ACCSL: variants seen among roughly 807,000 people sequenced by gnomAD.
ACCSL encodes the protein probable inactive 1-aminocyclopropane-1-carboxylate synthase-like protein 2.
ACCSL carries 55 observed loss-of-function variants against 61.7 expected under a neutral mutation model. The observed-to-expected ratio is 0.89, with a 90% confidence interval of 0.72 to 1.12. The LOEUF (loss-of-function observed/expected upper bound fraction) is 1.12, where lower values mean the gene tolerates loss of function less well. Among genes scored for constraint, ACCSL ranks in the 50% most tolerant of loss-of-function variants. The pLI, the probability that ACCSL is intolerant of heterozygous loss-of-function variation, is 0.00. For missense variants in ACCSL, 632 were observed against 698.0 expected, an observed-to-expected ratio of 0.91 and a Z score of 1.07; for synonymous variants, 258 against 264.3, an observed-to-expected ratio of 0.98 and a Z score of 0.23.
At chr11:43,921,362 A>AAAAC in the ACCSL span, among the ~76,000 whole-genome samples, 2 of 152,164 alleles carry the variant, frequency 1.3e-5, no homozygotes, top group African/African-American at 4.8e-5. Context: ...GCCCTTTTAA[A>AAAAC]AAACAAAAAA....
At chr11:43,964,393 C>T in the ACCSL span, among the ~76,000 whole-genome samples, 4 of 150,086 alleles carry the variant, frequency 2.7e-5, no homozygotes, top group Admixed American at 6.7e-5. Context: ...GCCCAGATCA[C>T]GCCACTGTGC....
At chr11:44,059,815 C>A in intron 13 of ACCSL, 23 bp from the exon 14 acceptor site, 1 of 1,607,946 alleles carries the variant, frequency 6.2e-7, no homozygotes, top group South Asian at 1.1e-5. Context: ...CTATTTCTCT[C>A]TGTCCCCATT....
At chr11:43,944,376 G>A in the ACCSL span, 309 of 156,212 alleles carry the variant, frequency 2.0e-3, 1 homozygote, top group Admixed American at 4.3e-3. Flanking sequence ...GAGAGTGTGG[G>A]TGCGCGCTCG....
chr11:43,995,771 GC>G, the ACCSL span, among the ~76,000 whole-genome samples: 1 of 152,126 alleles, frequency 6.6e-6, no homozygotes, highest in African/African-American at 2.4e-5. Context: ...ATAAGAAGGG[GC>G]CTTGCCAGAC....
At chr11:44,037,050 G>A in the ACCSL span, among the ~76,000 whole-genome samples, 1 of 152,188 alleles carries the variant, frequency 6.6e-6, no homozygotes, top group African/African-American at 2.4e-5. Context: ...AGAGCTGAGG[G>A]CAGCTGGGTC....
At chr11:44,053,199 C>G in intron 7 of ACCSL, 131 bp downstream of exon 7, 2 of 886,510 alleles carry the variant, frequency 2.3e-6, no homozygotes. Flanking sequence ...AGTAAATGAT[C>G]CAGGGGTGTG....
chr11:44,006,654 C>T, the ACCSL span, among the ~76,000 whole-genome samples: 3 of 151,818 alleles, frequency 2.0e-5, no homozygotes, highest in Non-Finnish European at 4.4e-5. Context: ...TAGAGACACG[C>T]ACCATCACAT....
chr11:43,970,806 A>T, the ACCSL span, among the ~76,000 whole-genome samples: 1 of 152,170 alleles, frequency 6.6e-6, no homozygotes, highest in East Asian at 1.9e-4. Context: ...TTGAGGCTTA[A>T]GTTGTCCTGG....
At chr11:43,955,164 A>G in the ACCSL span, among the ~76,000 whole-genome samples, 2 of 152,156 alleles carry the variant, frequency 1.3e-5, no homozygotes, top group African/African-American at 2.4e-5. Flanking sequence ...AAGACTGCTA[A>G]TGGTCCACAA....
chr11:44,021,459 G>A, the ACCSL span, among the ~76,000 whole-genome samples: 2 of 151,962 alleles, frequency 1.3e-5, no homozygotes, highest in Non-Finnish European at 1.5e-5. Context: ...CTTTTTGATG[G>A]GATTATTTGT....
At chr11:43,993,423 G>T in the ACCSL span, among the ~76,000 whole-genome samples, 170 of 152,280 alleles carry the variant, frequency 1.1e-3, no homozygotes, top group African/African-American at 3.7e-3. Flanking sequence ...CCAGAAGTGG[G>T]CTGAGCTGTG....
At chr11:44,024,441 CTGTGTGTGTGTG>C in the ACCSL span, among the ~76,000 whole-genome samples, 12,447 of 132,028 alleles carry the variant, frequency 0.094, 589 homozygotes, top group African/African-American at 0.12. Context: ...CTCTCTCTCT[CTGTGTGTGTGTG>C]TGTGTGTGTG....
At chr11:44,013,297 C>T in the ACCSL span, among the ~76,000 whole-genome samples, 386 of 152,116 alleles carry the variant, frequency 2.5e-3, 2 homozygotes, top group African/African-American at 8.9e-3. Context: ...TTTTTGGAGA[C>T]AAGATCTTGC....
the ACCSL span, among the ~76,000 whole-genome samples, chr11:43,921,964 C>T: frequency 6.6e-6 from 1 of 152,088 alleles, no homozygotes; most frequent in African/African-American, 2.4e-5. Flanking sequence ...AATTCCAGAC[C>T]ATGGCAAAGG....
At chr11:43,999,031 G>A in the ACCSL span, among the ~76,000 whole-genome samples, 1 of 152,158 alleles carries the variant, frequency 6.6e-6, no homozygotes, top group East Asian at 1.9e-4. Context: ...ACTATTAGCT[G>A]TGAAACCTCT....
the ACCSL span, among the ~76,000 whole-genome samples, chr11:43,971,743 G>A: frequency 6.6e-6 from 1 of 152,136 alleles, no homozygotes; most frequent in African/African-American, 2.4e-5. Context: ...TCCCCACTCA[G>A]CTCCCTGGGC....
the ACCSL span, among the ~76,000 whole-genome samples, chr11:44,035,443 G>T: frequency 6.6e-6 from 1 of 152,124 alleles, no homozygotes; most frequent in African/African-American, 2.4e-5. Context: ...GCAGAGAGCT[G>T]GTTTTTGGAT....
At chr11:43,994,184 C>T in the ACCSL span, among the ~76,000 whole-genome samples, 1 of 152,326 alleles carries the variant, frequency 6.6e-6, no homozygotes, top group Admixed American at 6.5e-5. Flanking sequence ...CTTTTATTCA[C>T]TTAACTTTCT....
chr11:43,956,181 T>C, the ACCSL span, among the ~76,000 whole-genome samples: 2 of 152,064 alleles, frequency 1.3e-5, no homozygotes, highest in African/African-American at 2.4e-5. Flanking sequence ...TTTGCCTTAT[T>C]TGAACACAGT....
Sources: allele counts gnomAD v4.1 joint callset (sites outside exome capture counted in the v4.1 genomes callset), GRCh38; gene constraint gnomAD v4.1.1; transcripts MANE v1.5; gene names NCBI Gene and HGNC (gene_info 2026-07-23, HGNC 2026-07-21).